CNGB3: variants seen among roughly 807,000 people sequenced by gnomAD.
CNGB3 encodes the protein cyclic nucleotide gated channel subunit beta 3.
In CNGB3, 86 loss-of-function variants were observed where a neutral mutation model predicts 92.8. The observed-to-expected ratio is 0.93, with a 90% CI of 0.78 to 1.11. CNGB3 has a LOEUF of 1.11. Among genes scored for constraint, CNGB3 ranks in the 50% least tolerant of loss-of-function variants. CNGB3 has a pLI of 0.00. For missense variants in CNGB3, 1,026 were observed against 956.8 expected (o/e 1.07, Z -0.95); for synonymous variants, 333 against 332.7 (o/e 1.00, Z -0.01).
chr8:86,631,602 A>G (rs1360301351), intron 11 of CNGB3, among the ~76,000 whole-genome samples: 3 of 152,156 alleles, frequency 2.0e-5, no homozygotes, highest in African/African-American at 7.2e-5. Context: ...TTATATTCAA[A>G]TGGATTTGAA....
intron 15 of CNGB3, among the ~76,000 whole-genome samples, chr8:86,600,348 T>C (rs143264311): frequency 8.5e-5 from 13 of 152,332 alleles, no homozygotes; most frequent in African/African-American, 2.6e-4. Flanking sequence ...TGTACCCTCA[T>C]GACTGGCACT....
At chr8:86,735,755 G>A (rs1347482187) in intron 2 of CNGB3, among the ~76,000 whole-genome samples, 2 of 152,154 alleles carry the variant, frequency 1.3e-5, no homozygotes, top group Non-Finnish European at 2.9e-5. Flanking sequence ...CCTATTGCAA[G>A]ATCCTTAGTA....
intron 12 of CNGB3, 86 bp downstream of exon 12, chr8:86,628,833 A>G (rs1822901624): frequency 3.5e-6 from 5 of 1,426,212 alleles, no homozygotes; most frequent in Non-Finnish European, 4.0e-6. Context: ...CCTTTTGTTC[A>G]AATCCAACTA....
chr8:86,638,883 G>A (rs532452412), intron 10 of CNGB3, among the ~76,000 whole-genome samples: 1 of 151,234 alleles, frequency 6.6e-6, no homozygotes, highest in Admixed American at 6.6e-5. Context: ...TTCCAAGGGT[G>A]ACCCTCTAGG....
chr8:86,578,984 G>T (rs1821711093), intron 16 of CNGB3, 121 bp from the exon 17 acceptor site: 4 of 1,532,350 alleles, frequency 2.6e-6, no homozygotes, highest in East Asian at 4.5e-5. Context: ...ATTAATAGTT[G>T]TTCATTAAGC....
intron 15 of CNGB3, among the ~76,000 whole-genome samples, chr8:86,599,994 A>C (rs1822256420): frequency 6.6e-6 from 1 of 152,168 alleles, no homozygotes; most frequent in Admixed American, 6.5e-5. Context: ...GACATCACGG[A>C]ACCTGGTGAC....
chr8:86,728,111 T>C (rs1269635091), intron 2 of CNGB3, among the ~76,000 whole-genome samples: 1 of 152,204 alleles, frequency 6.6e-6, no homozygotes, highest in Non-Finnish European at 1.5e-5. Flanking sequence ...TTTGGAATTA[T>C]AGTATTTTGG....
intron 3 of CNGB3, among the ~76,000 whole-genome samples, chr8:86,678,079 A>G (rs775480762): frequency 5.3e-5 from 8 of 152,152 alleles, no homozygotes; most frequent in Non-Finnish European, 8.8e-5. Context: ...TTAGGCGAAG[A>G]GTATTGTATT....
intron 15 of CNGB3, among the ~76,000 whole-genome samples, chr8:86,600,776 A>ATCTTTTTTTT (rs1822281557): frequency 2.6e-5 from 1 of 38,400 alleles, no homozygotes; most frequent in Non-Finnish European, 4.8e-5. Flanking sequence ...CGCTCGGCTA[A>ATCTTTTTTTT]TTTTTTTTTT....
At chr8:86,718,847 G>T (rs1423309796) in intron 3 of CNGB3, among the ~76,000 whole-genome samples, 2 of 151,970 alleles carry the variant, frequency 1.3e-5, no homozygotes, top group Non-Finnish European at 2.9e-5. Context: ...TTATACCAGG[G>T]ATACAGGGAT....
intron 6 of CNGB3, chr8:86,658,480 C>T (rs1823564197): frequency 3.9e-5 from 16 of 412,954 alleles, no homozygotes; most frequent in South Asian, 3.3e-4. Flanking sequence ...TTGGCCACGA[C>T]TTTGCCCTGA....
intron 8 of CNGB3, among the ~76,000 whole-genome samples, chr8:86,647,179 T>G: frequency 6.6e-6 from 1 of 151,150 alleles, no homozygotes; most frequent in Non-Finnish European, 1.5e-5. Context: ...AAGCTTCCTC[T>G]TCTTTGTTTT....
At chr8:86,611,272 G>A (rs1425852483) in intron 14 of CNGB3, among the ~76,000 whole-genome samples, 6 of 152,088 alleles carry the variant, frequency 3.9e-5, no homozygotes, top group South Asian at 2.1e-4. Context: ...ACCACCTATC[G>A]CTTCTGTAAC....
chr8:86,589,223 C>T (rs1213967664), intron 15 of CNGB3, among the ~76,000 whole-genome samples: 4 of 150,314 alleles, frequency 2.7e-5, no homozygotes, highest in African/African-American at 7.4e-5. Context: ...TTTGATTCTT[C>T]TCTCTTTTTT....
At position 86,578,639 on chromosome 8, in the gene CNGB3, T is replaced by C. The variant is rs751618016; in HGVS notation, c.2103+50A>G. The stretch of plus-strand genomic sequence containing the variant: ...GAGTGGGCGTTTGTGTGTATATACT[T>C]AGTCTGGGGCCTTCTCCATGACAGC... On this transcript the variant is annotated intron_variant, in intron 17 of 17. Transcript: ENST00000320005. The C allele has an allele frequency of 1.6e-4, 257 of 1,573,642 alleles. 2 individuals are homozygous for C. In the East Asian group the frequency reaches 4.4e-3, roughly 27 times the overall value.
chr8:86,659,689 G>A, intron 6 of CNGB3: 2 of 424,298 alleles, frequency 4.7e-6, no homozygotes, highest in Non-Finnish European at 9.4e-6. Flanking sequence ...AGCATGCTGA[G>A]TGTAATACAG....
chr8:86,675,160 T>C (rs1436497039), intron 3 of CNGB3, among the ~76,000 whole-genome samples: 3 of 152,058 alleles, frequency 2.0e-5, no homozygotes, highest in Non-Finnish European at 4.4e-5. Flanking sequence ...CAGGGTTTCA[T>C]CATGTTGGCT....
At chr8:86,656,889 C>T (rs1288819214) in intron 6 of CNGB3, among the ~76,000 whole-genome samples, 1 of 152,168 alleles carries the variant, frequency 6.6e-6, no homozygotes, top group East Asian at 1.9e-4. Context: ...ACCTCCTCCC[C>T]ATGTACCAGC....
chr8:86,726,204 T>G (rs1266313996), intron 3 of CNGB3, among the ~76,000 whole-genome samples: 1 of 152,232 alleles, frequency 6.6e-6, no homozygotes, highest in Non-Finnish European at 1.5e-5. Flanking sequence ...TCATCATTTC[T>G]TTTTAAAATT....
Sources: allele counts gnomAD v4.1 joint callset (sites outside exome capture counted in the v4.1 genomes callset), GRCh38; gene constraint gnomAD v4.1.1; transcripts MANE v1.5; gene names NCBI Gene and HGNC (gene_info 2026-07-23, HGNC 2026-07-21).